RFX2: variants seen among roughly 807,000 people sequenced by gnomAD.
The protein encoded by RFX2 is DNA-binding protein RFX2.
RFX2 carries 20 observed loss-of-function variants against 87.8 expected under a neutral mutation model. The ratio of observed to expected loss-of-function variants is 0.23; its 90% CI spans 0.16 to 0.33. RFX2 has a LOEUF of 0.33. RFX2 is among the 10% of genes least tolerant of loss of function. The pLI, the probability that RFX2 is intolerant of heterozygous loss-of-function variation, is 1.00. For synonymous variants in RFX2, 397 were observed against 431.3 expected (o/e 0.92, Z 0.98); for missense variants, 767 against 1,012.3 (o/e 0.76, Z 3.29).
chr19:6,014,440 T>C (rs2086698250), intron 7 of RFX2, among the ~76,000 whole-genome samples: 1 of 152,146 alleles, frequency 6.6e-6, no homozygotes, highest in Non-Finnish European at 1.5e-5. Flanking sequence ...GGATTCACCA[T>C]GTTGGCCAGG....
rs2086830827 is a variant in RFX2 at position 6,022,593 on chromosome 19, C to T, written c.597+3570G>A. Among the ~76,000 whole-genome samples, 1 of 152,242 alleles carries T rather than the reference C, an allele frequency of 6.6e-6. No homozygotes were observed. Among genetic ancestry groups the T allele is most frequent in the South Asian group, 2.1e-4 (1 of 4,834 alleles). On this transcript the variant is annotated intron_variant, in intron 6 of 17. Transcript: ENST00000303657. The surrounding 1 kb of genome is among the most constrained non-coding windows in gnomAD (Gnocchi z 6.2). Reference sequence around the variant, plus strand: ...CTGCTCAAGTCGGTGGCCTGCCACACCCGGTCGGGTGAAGACATGTTTCAT... The same window carrying T: ...CTGCTCAAGTCGGTGGCCTGCCACATCCGGTCGGGTGAAGACATGTTTCAT...
chr19:6,046,605 C>CTTTTTTTTTTTTTTTTT (rs55854937), intron 2 of RFX2, among the ~76,000 whole-genome samples: 1 of 90,566 alleles, frequency 1.1e-5, no homozygotes, highest in Non-Finnish European at 2.3e-5. Context: ...GCCTTTTTGC[C>CTTTTTTTTTTTTTTTTT]TTTTTTTTTT....
chr19:6,051,490 C>T (rs1466980534), intron 1 of RFX2, among the ~76,000 whole-genome samples: 1 of 152,184 alleles, frequency 6.6e-6, no homozygotes, highest in African/African-American at 2.4e-5. Flanking sequence ...ACATTGTAAC[C>T]TCTGAAGCAT....
rs942789272 is a variant in RFX2 at position 6,074,822 on chromosome 19, G to A, written c.-8-27318C>T. On this transcript the variant is annotated intron_variant, in intron 1 of 17. Coordinates refer to ENST00000303657, the MANE Select transcript of RFX2 (RefSeq NM_000635.4). The surrounding 1 kb of genome is among the most constrained non-coding windows in gnomAD (Gnocchi z 5.2). Reference sequence around the variant, plus strand: ...GGTGCTCGGCAAGGCTGAGGCACACGGGACATGTGGGGTCACACGGGTCAC... The same window carrying A: ...GGTGCTCGGCAAGGCTGAGGCACACAGGACATGTGGGGTCACACGGGTCAC... Among the ~76,000 whole-genome samples the A allele has an allele frequency of 6.6e-5, 10 of 152,224 alleles. No individual in the cohort carries two copies. The highest frequency in any genetic ancestry group is 1.3e-4 in the Admixed American group (2 of 15,286).
intron 5 of RFX2, among the ~76,000 whole-genome samples, chr19:6,030,491 C>A (rs958471575): frequency 2.0e-5 from 3 of 152,126 alleles, no homozygotes; most frequent in African/African-American, 7.2e-5. Context: ...CATGGATGAG[C>A]CTCATGCAAA....
rs768279852 is a variant in RFX2 at position 6,045,734 on chromosome 19, C to T, written c.91-1452G>A. 1.1e-4 allele frequency among the ~76,000 whole-genome samples: 16 copies of T among 152,076 alleles called. No individual in the cohort carries two copies. Among genetic ancestry groups the T allele is most frequent in the Non-Finnish European group, 2.4e-4 (16 of 68,034 alleles). On this transcript the variant is annotated intron_variant, in intron 2 of 17. Transcript: ENST00000303657. This position sits in a 1 kb window ranked among gnomAD's most constrained non-coding sequence, Gnocchi z 5.2. The stretch of plus-strand genomic sequence containing the variant: ...TCGCCCAGGCTGAAGTGCGATGGCA[C>T]GATCTCGGCTCACTATAACCTCTGC...
rs1174872761 is a variant in RFX2, at chr19:6,022,387, A to G, written c.597+3776T>C. Among the ~76,000 whole-genome samples, 1 of 152,240 alleles carries G rather than the reference A, an allele frequency of 6.6e-6. No individual in the cohort carries two copies. Among genetic ancestry groups the G allele is most frequent in the African/African-American group, 2.4e-5 (1 of 41,470 alleles). On this transcript the variant is annotated intron_variant, in intron 6 of 17. Coordinates refer to ENST00000303657, the MANE Select transcript of RFX2 (RefSeq NM_000635.4). This position sits in a 1 kb window ranked among gnomAD's most constrained non-coding sequence, Gnocchi z 6.2. ...TCTTGATTTCAAAGCAAAAAGTCAC[A>G]TAACCCAAATACGACTCTTCCACAC...
rs750533655 is a variant in RFX2 at position 6,039,993 on chromosome 19, G to A, written c.509C>T (p.Ser170Leu). ...TRHSLAHTSRSSPATLEMAIE... is the reference protein window; with the variant it reads ...TRHSLAHTSRLSPATLEMAIE... ...CCTCCTACATACCGTGGCGGGCGAT[G>A]AGCGGGAGGTGTGGGCCAGGGAGTG... The change falls in exon 5 of 18, where the codon TCA (serine) becomes TTA (leucine). Residue 170 changes from serine to leucine, a missense_variant. Physicochemically the swap from Ser to Leu is moderately radical, Grantham distance 145 (BLOSUM62 -2). Transcript: ENST00000303657. The surrounding 1 kb of genome is among the most constrained non-coding windows in gnomAD (Gnocchi z 5.2). 2 of 1,583,842 alleles carry A rather than the reference G, an allele frequency of 1.3e-6. No homozygotes were observed. Among genetic ancestry groups the A allele is most frequent in the Non-Finnish European group, 1.7e-6 (2 of 1,161,678 alleles).
At position 6,106,547 on chromosome 19, in the gene RFX2, G is replaced by T. The variant is rs1276350854; in HGVS notation, c.-9+3846C>A. 3.9e-5 allele frequency among the ~76,000 whole-genome samples: 6 copies of T among 152,028 alleles called. No individual in the cohort carries two copies. In the South Asian group the frequency reaches 6.2e-4, roughly 16 times the overall value. ...TATGGTCCTTCTCTTCCCCACTTCG[G>T]GTGAATATTCATATAGTTCAGTTCA... is the stretch of plus-strand genomic sequence containing the variant. On this transcript the variant is annotated intron_variant, in intron 1 of 17. Transcript: ENST00000303657.
chr19:6,062,205 A>C (rs2087443963), intron 1 of RFX2, among the ~76,000 whole-genome samples: 1 of 152,198 alleles, frequency 6.6e-6, no homozygotes, highest in Non-Finnish European at 1.5e-5. Flanking sequence ...AAAACAACCA[A>C]AAAACCAAAC....
In RFX2 at chr19:6,027,227, G is replaced by A. The variant is rs79101058; in HGVS notation, c.523-990C>T. 5,925 of 152,284 alleles carry A rather than the reference G, an allele frequency of 0.039. 382 individuals are homozygous for A. Among genetic ancestry groups the A allele is most frequent in the African/African-American group, 0.14 (5,611 of 41,518 alleles). The allele number at this position is 152,284 out of a possible 1,614,324, so 9.4% of individuals were successfully genotyped here. On this transcript the variant is annotated intron_variant, in intron 5 of 17. Coordinates refer to ENST00000303657, the MANE Select transcript of RFX2 (RefSeq NM_000635.4). The surrounding 1 kb of genome is among the most constrained non-coding windows in gnomAD (Gnocchi z 5.0). Reference sequence around the variant, plus strand: ...TCAGAGAGCAGGCGAGCGGAGCTGAGTTCAAGAATGAGAGGGTAACTGCTT... The same window carrying A: ...TCAGAGAGCAGGCGAGCGGAGCTGAATTCAAGAATGAGAGGGTAACTGCTT...
In RFX2 at chr19:5,993,485, G is replaced by A. The variant is rs2086363169; in HGVS notation, c.*1350C>T. The A allele has an allele frequency of 6.6e-6, 1 of 152,212 alleles. No individual in the cohort carries two copies. Among genetic ancestry groups the A allele is most frequent in the Non-Finnish European group, 1.5e-5 (1 of 68,038 alleles). The allele number at this position is 152,212 out of a possible 1,614,324, so 9.4% of individuals were successfully genotyped here. A position where few individuals can be genotyped will look rare whatever the true frequency, so the allele number is the denominator to read the frequency against. On this transcript the variant is annotated 3_prime_UTR_variant, in exon 18 of 18. Transcript: ENST00000303657. ...GTGAGCTGACATTAGTACCTTCTGT[G>A]TGAATGAGAACAAAACATTTGGGAC... is the stretch of plus-strand genomic sequence containing the variant.
intron 1 of RFX2, among the ~76,000 whole-genome samples, chr19:6,081,896 G>C (rs1295490047): frequency 6.6e-6 from 1 of 152,200 alleles, no homozygotes; most frequent in Admixed American, 6.5e-5. Flanking sequence ...GACCATCCTG[G>C]TTAACACAGT....
rs1014701050 is a variant in RFX2, at chr19:6,110,331, G to A, written c.-9+62C>T. The stretch of plus-strand genomic sequence containing the variant: ...CTGCCCGCCCCCCGGCCCCCGAACG[G>A]GGTCCCCGCCGCCCCCCACACTCCC... On this transcript the variant is annotated intron_variant, in intron 1 of 17. Transcript: ENST00000303657. This position sits in a 1 kb window ranked among gnomAD's most constrained non-coding sequence, Gnocchi z 4.3. 6.6e-6 allele frequency: 1 copy of A among 151,368 alleles called. No homozygotes were observed. Among genetic ancestry groups the A allele is most frequent in the Non-Finnish European group, 1.5e-5 (1 of 67,786 alleles). 9.4% of individuals were successfully genotyped at this position (151,368 alleles called of 1,614,324 possible). A position where few individuals can be genotyped will look rare whatever the true frequency, so the allele number is the denominator to read the frequency against.
chr19:6,103,358 T>A lies in RFX2; in HGVS notation c.-9+7035A>T, dbSNP rs8108217. On this transcript the variant is annotated intron_variant, in intron 1 of 17. Coordinates refer to ENST00000303657, the MANE Select transcript of RFX2 (RefSeq NM_000635.4). ...GGGCATACAACAGGGTTTTCAAACATGCAAGACCTATGTATCATAAAACAG... is the reference window on the plus strand; with the variant it reads ...GGGCATACAACAGGGTTTTCAAACAAGCAAGACCTATGTATCATAAAACAG... Among the ~76,000 whole-genome samples, 5 of 152,206 alleles carry A rather than the reference T, an allele frequency of 3.3e-5. No individual in the cohort carries two copies. In the South Asian group the frequency reaches 1.0e-3, roughly 32 times the overall value.
At chr19:6,003,777 T>TAA (rs1318446976) in intron 13 of RFX2, among the ~76,000 whole-genome samples, 1 of 32,836 alleles carries the variant, frequency 3.0e-5, no homozygotes, top group Non-Finnish European at 5.0e-5. Context: ...AGACTCTGTC[T>TAA]CAAAAAAAAA....
chr19:6,061,000 G>A (rs772824332), intron 1 of RFX2, among the ~76,000 whole-genome samples: 1 of 152,140 alleles, frequency 6.6e-6, no homozygotes, highest in South Asian at 2.1e-4. Context: ...CTCTCCCCCC[G>A]CCAAAATTGC....
chr19:6,092,037 G>C (rs2087943621), intron 1 of RFX2, among the ~76,000 whole-genome samples: 1 of 152,322 alleles, frequency 6.6e-6, no homozygotes, highest in South Asian at 2.1e-4. Flanking sequence ...GAAAACTGTG[G>C]AGGTTGGTGT....
At chr19:6,082,425 G>T (rs2087798569) in intron 1 of RFX2, among the ~76,000 whole-genome samples, 1 of 152,060 alleles carries the variant, frequency 6.6e-6, no homozygotes. Flanking sequence ...GTCTATCAGG[G>T]GTTGGAAAGT....
Sources: gnomAD v4.1 joint callset for allele counts (sites outside exome capture counted in the v4.1 genomes callset) on GRCh38, gnomAD v4.1.1 for gene constraint, Gnocchi (gnomAD v3.1) non-coding constraint, MANE v1.5 for transcripts, NCBI Gene and HGNC (gene_info 2026-07-23, HGNC 2026-07-21) for gene names.